The following CUX1 variants were observed in gnomAD, a reference collection of about 807,000 sequenced individuals.
The protein encoded by CUX1 is protein CASP.
A neutral mutation model predicts 158.8 loss-of-function variants in CUX1; 31 were observed. That is an observed-to-expected ratio of 0.20 (90% CI 0.15 to 0.26). CUX1 has a LOEUF of 0.26. Ranked by LOEUF, CUX1 falls within the 10% of genes least tolerant of loss-of-function variation. The pLI is 1.00. For missense variants in CUX1, 1,589 were observed against 2,014.6 expected (o/e 0.79, Z 4.04); for synonymous variants, 879 against 862.1 (o/e 1.02, Z -0.34).
intron 23 of CUX1, among the ~76,000 whole-genome samples, chr7:102,246,604 C>T (rs1050156798): frequency 3.3e-5 from 5 of 151,664 alleles, no homozygotes; most frequent in African/African-American, 1.2e-4. Flanking sequence ...CAGGATCTTG[C>T]TCTGTCGCCC....
At chr7:102,258,453 T>C (rs2021739), downstream of CUX1, among the ~76,000 whole-genome samples, 138,128 of 152,168 alleles carry the variant, frequency 0.91, 62,935 homozygotes, top group East Asian at 0.98. Flanking sequence ...AATCTGCATC[T>C]GGTTCACAGG....
intron 1 of CUX1, among the ~76,000 whole-genome samples, chr7:101,858,751 C>T (rs189770516): frequency 4.6e-5 from 7 of 151,128 alleles, no homozygotes; most frequent in African/African-American, 9.7e-5. Flanking sequence ...CTGCAACCTC[C>T]GCCTCCCAGG....
intron 1 of CUX1, among the ~76,000 whole-genome samples, chr7:101,852,119 C>G (rs369759903): frequency 6.6e-6 from 1 of 152,002 alleles, no homozygotes; most frequent in East Asian, 2.0e-4. Flanking sequence ...CGTGAGCCAC[C>G]GCACCCAGCC....
At chr7:101,825,593 T>C (rs1562890429) in intron 1 of CUX1, among the ~76,000 whole-genome samples, 2 of 152,216 alleles carry the variant, frequency 1.3e-5, no homozygotes, top group East Asian at 3.8e-4. Flanking sequence ...TCCCGCAGTT[T>C]GTCAGCATCG....
At chr7:102,113,596 C>T (rs550598261) in intron 7 of CUX1, among the ~76,000 whole-genome samples, 31 of 152,222 alleles carry the variant, frequency 2.0e-4, no homozygotes, top group African/African-American at 6.5e-4. Context: ...CTCTCTCTGT[C>T]GCTCAGGTTG....
intron 16 of CUX1, among the ~76,000 whole-genome samples, chr7:102,274,889 C>A (rs1791500679): frequency 6.6e-6 from 1 of 151,984 alleles, no homozygotes; most frequent in South Asian, 2.1e-4. Flanking sequence ...TGCCCCTTTG[C>A]TTCCCCAGGG....
intron 6 of CUX1, among the ~76,000 whole-genome samples, chr7:102,108,254 C>T (rs1830568883): frequency 6.6e-6 from 1 of 152,194 alleles, no homozygotes; most frequent in Admixed American, 6.5e-5. Context: ...AAATTATTTA[C>T]AGTGCAGTAT....
intron 1 of CUX1, among the ~76,000 whole-genome samples, chr7:101,887,429 C>T (rs1472001417): frequency 6.6e-6 from 1 of 152,050 alleles, no homozygotes; most frequent in Non-Finnish European, 1.5e-5. Context: ...ACCTCAGCCT[C>T]CTGAGTAGCT....
intron 2 of CUX1, among the ~76,000 whole-genome samples, chr7:101,966,629 G>A (rs192211963): frequency 6.6e-6 from 1 of 152,154 alleles, no homozygotes; most frequent in Non-Finnish European, 1.5e-5. Flanking sequence ...CCTAGGTGGC[G>A]GATGTCCCAT....
At chr7:102,156,709 T>C (rs1285767725) in intron 8 of CUX1, among the ~76,000 whole-genome samples, 1 of 152,092 alleles carries the variant, frequency 6.6e-6, no homozygotes, top group Admixed American at 6.5e-5. Flanking sequence ...AGGATAGAAC[T>C]CTCATTGTCA....
At chr7:102,023,854 G>A (rs1005246361) in intron 2 of CUX1, among the ~76,000 whole-genome samples, 2 of 152,118 alleles carry the variant, frequency 1.3e-5, no homozygotes, top group African/African-American at 4.8e-5. Context: ...GCGTGCGTGA[G>A]TGTGTGTACA....
intron 2 of CUX1, among the ~76,000 whole-genome samples, chr7:102,018,765 C>G (rs1818985445): frequency 6.6e-6 from 1 of 152,122 alleles, no homozygotes; most frequent in Non-Finnish European, 1.5e-5. Context: ...CGCTGTATCT[C>G]TCAGTATTGA....
intron 2 of CUX1, among the ~76,000 whole-genome samples, chr7:101,937,810 G>A (rs899002169): frequency 1.3e-5 from 2 of 152,174 alleles, no homozygotes; most frequent in African/African-American, 4.8e-5. Flanking sequence ...ACCGCGCCCA[G>A]CCTAATGATA....
At chr7:101,891,913 T>C (rs987640634) in intron 1 of CUX1, among the ~76,000 whole-genome samples, 4 of 152,260 alleles carry the variant, frequency 2.6e-5, no homozygotes, top group African/African-American at 9.6e-5. Context: ...CACTGTATAG[T>C]GTCAATAAGT....
At chr7:102,081,169 T>C (rs183371693) in intron 4 of CUX1, among the ~76,000 whole-genome samples, 1 of 152,322 alleles carries the variant, frequency 6.6e-6, no homozygotes. Flanking sequence ...TGTTGGAGTA[T>C]GCCAGGACGT....
intron 11 of CUX1, among the ~76,000 whole-genome samples, chr7:102,179,552 T>C (rs1484192150): frequency 6.6e-6 from 1 of 152,234 alleles, no homozygotes; most frequent in Non-Finnish European, 1.5e-5. Context: ...TGCTTCAGTC[T>C]AGGCTCCCTC....
In CUX1 at chr7:102,243,653, T is replaced by TAATAAG. The variant is rs1554535763; in HGVS notation, c.3887+4074_3887+4075insGAATAA. The stretch of plus-strand genomic sequence containing the variant: ...CAGAAAATAATAATAATAATAATAA[T>TAATAAG]AATAATAATAATAATAATAATAATA... On this transcript the variant is annotated intron_variant, in intron 23 of 23. Coordinates refer to ENST00000292535, the MANE Select transcript of CUX1 (RefSeq NM_181552.4). 1.9e-4 allele frequency among the ~76,000 whole-genome samples: 28 copies of TAATAAG among 144,362 alleles called. No homozygotes were observed. In the South Asian group the frequency reaches 2.4e-3, roughly 12 times the overall value. 94.7% of individuals were successfully genotyped at this position (144,362 alleles called of 152,430 possible).
At chr7:102,052,333 C>T (rs1201310823) in intron 3 of CUX1, among the ~76,000 whole-genome samples, 4 of 152,300 alleles carry the variant, frequency 2.6e-5, no homozygotes, top group Admixed American at 6.5e-5. Context: ...CCCCCCATGT[C>T]TCTGTAGATT....
chr7:102,252,717 T>G lies in CUX1; in HGVS notation c.*3675T>G. 1.0e-6 allele frequency: 1 copy of G among 985,174 alleles called. No individual in the cohort carries two copies. Among genetic ancestry groups the G allele is most frequent in the East Asian group, 1.1e-4 (1 of 8,806 alleles). The allele number at this position is 985,174 out of a possible 1,614,324, so 61.0% of individuals were successfully genotyped here. ...CCAACTCACTTCCACCCCAGAGGAG[T>G]CTTCTGTCCTCCTCCCCAACCCCCG... On this transcript the variant is annotated 3_prime_UTR_variant, in exon 24 of 24. Coordinates refer to ENST00000292535, the MANE Select transcript of CUX1 (RefSeq NM_181552.4).
Sources: gnomAD v4.1 joint callset for allele counts (sites outside exome capture counted in the v4.1 genomes callset) on GRCh38, gnomAD v4.1.1 for gene constraint, MANE v1.5 for transcripts, NCBI Gene and HGNC (gene_info 2026-07-23, HGNC 2026-07-21) for gene names.